The following PDE4D variants were observed in gnomAD, a reference collection of about 807,000 sequenced individuals.
PDE4D encodes the protein phosphodiesterase 4D, also known as 3',5'-cyclic-AMP phosphodiesterase 4D.
In PDE4D, 24 loss-of-function variants were observed where a neutral mutation model predicts 87.4. That is an observed-to-expected ratio of 0.27 (90% CI 0.20 to 0.39). PDE4D has a LOEUF of 0.39. Ranked by LOEUF, PDE4D falls within the 10% of genes least tolerant of loss-of-function variation. The pLI is 1.00. For synonymous variants in PDE4D, 384 were observed against 383.2 expected (o/e 1.00, Z -0.02); for missense variants, 714 against 1,041.0 (o/e 0.69, Z 4.32).
At chr5:59,874,983 C>T (rs1748341732) in intron 1 of PDE4D, among the ~76,000 whole-genome samples, 1 of 152,160 alleles carries the variant, frequency 6.6e-6, no homozygotes, top group Non-Finnish European at 1.5e-5. Flanking sequence ...AGATATCCTC[C>T]TTTTCCAGGC....
intron 1 of PDE4D, among the ~76,000 whole-genome samples, chr5:59,327,956 A>G (rs1463401643): frequency 6.6e-6 from 1 of 152,192 alleles, no homozygotes; most frequent in African/African-American, 2.4e-5. Flanking sequence ...GAAAAATTAC[A>G]TTTACAAGAT....
At chr5:59,250,542 C>G (rs1367914732) in intron 1 of PDE4D, among the ~76,000 whole-genome samples, 2 of 150,888 alleles carry the variant, frequency 1.3e-5, no homozygotes, top group African/African-American at 4.9e-5. Context: ...ATGTAAGGGT[C>G]ATTGTGCCTT....
At chr5:59,700,581 T>C (rs563897594) in intron 1 of PDE4D, among the ~76,000 whole-genome samples, 6 of 152,220 alleles carry the variant, frequency 3.9e-5, no homozygotes, top group Non-Finnish European at 5.9e-5. Context: ...TATAAATGTA[T>C]AGGCATATTT....
In PDE4D at chr5:59,542,811, A is replaced by G. The variant is rs548740725; in HGVS notation, c.456-326843T>C. Among the ~76,000 whole-genome samples, 19 of 152,260 alleles carry G rather than the reference A, an allele frequency of 1.2e-4. No individual in the cohort carries two copies. The East Asian group carries it at 3.7e-3, about 29-fold the overall frequency. On this transcript the variant is annotated intron_variant, in intron 1 of 14. Coordinates refer to ENST00000340635, the MANE Select transcript of PDE4D (RefSeq NM_001104631.2). ...ATTAGATTGAAATTTAGTATACAGT[A>G]TGTAAGAAAAAAGGCAGACTACAAT...
intron 1 of PDE4D, among the ~76,000 whole-genome samples, chr5:60,475,056 C>T (rs1748203745): frequency 1.3e-5 from 2 of 151,916 alleles, no homozygotes; most frequent in Non-Finnish European, 2.9e-5. Context: ...CTTTTTTTAA[C>T]TCCTTAGAAA....
Position 59,081,525 on chromosome 5 carries a change from A to AAAAAAAAAG in PDE4D, c.809-42555_809-42554insCTTTTTTTT, listed in dbSNP as rs1231400335. On this transcript the variant is annotated intron_variant, in intron 5 of 14. Coordinates refer to ENST00000340635, the MANE Select transcript of PDE4D (RefSeq NM_001104631.2). ...GACCAGGAAGTAATCAGGTAAAAAA[A>AAAAAAAAAG]AAAAAGAAAAAAAGTGGGTTTGTTA... 1.4e-4 allele frequency among the ~76,000 whole-genome samples: 21 copies of AAAAAAAAAG among 151,380 alleles called. 2 individuals carry two copies. Among genetic ancestry groups the AAAAAAAAAG allele is most frequent in the East Asian group, 3.9e-4 (2 of 5,168 alleles).
chr5:59,262,728 T>C (rs1762231287), intron 1 of PDE4D, among the ~76,000 whole-genome samples: 1 of 151,898 alleles, frequency 6.6e-6, no homozygotes, highest in South Asian at 2.1e-4. Flanking sequence ...AGTGGTGGTC[T>C]TAGTACTTAC....
chr5:59,037,826 T>C (rs1321147442), intron 6 of PDE4D, among the ~76,000 whole-genome samples: 4 of 135,314 alleles, frequency 3.0e-5, no homozygotes, highest in Non-Finnish European at 5.1e-5. Context: ...ATAAAAACCA[T>C]AGAAAGGTAG....
intron 3 of PDE4D, among the ~76,000 whole-genome samples, chr5:59,955,314 A>G (rs866625091): frequency 3.2e-4 from 49 of 152,208 alleles, no homozygotes; most frequent in Admixed American, 1.8e-3. Flanking sequence ...CCAAGTAGTG[A>G]TCATTTCAAC....
chr5:59,122,366 A>C (rs67726426), intron 5 of PDE4D, among the ~76,000 whole-genome samples: 21,064 of 152,154 alleles, frequency 0.14, 1,553 homozygotes, highest in African/African-American at 0.19. Context: ...GAACTCATGA[A>C]GGTAGACCGA....
chr5:58,974,942 G>A lies in PDE4D; in HGVS notation c.2152C>T (p.Pro718Ser). 1.2e-6 allele frequency: 2 copies of A among 1,613,488 alleles called. No individual in the cohort carries two copies. The highest frequency in any genetic ancestry group is 1.7e-6 in the Non-Finnish European group (2 of 1,179,556). ...YQSTIPQSPS[P>S]APDDPEEGRQ... ...CCCTCCTCTGGGTCATCAGGTGCAG[G>A]AGAGGGGCTCTGAGGGATTGTGCTC... is the stretch of plus-strand genomic sequence containing the variant. Residue 718 changes from proline to serine, a missense_variant, in exon 15 of 15, where the codon CCT becomes TCT. Around this residue, in one of 7 missense-constraint regions of PDE4D, gnomAD observed 97 missense variants for 176.9 expected, o/e 0.55. Coordinates refer to ENST00000340635, the MANE Select transcript of PDE4D (RefSeq NM_001104631.2).
chr5:59,849,031 G>A (rs1018334612), intron 1 of PDE4D, among the ~76,000 whole-genome samples: 1 of 151,982 alleles, frequency 6.6e-6, no homozygotes, highest in Non-Finnish European at 1.5e-5. Context: ...GCGCTGTGAG[G>A]AGGAAGTGTT....
intron 1 of PDE4D, among the ~76,000 whole-genome samples, chr5:59,616,889 C>G (rs1348284739): frequency 1.7e-5 from 2 of 114,424 alleles, no homozygotes; most frequent in Non-Finnish European, 3.5e-5. Context: ...AAGGGTTTAA[C>G]TTTGTGTATT....
chr5:60,108,230 G>A (rs1777249144), intron 2 of PDE4D, among the ~76,000 whole-genome samples: 2 of 151,578 alleles, frequency 1.3e-5, no homozygotes, highest in African/African-American at 4.9e-5. Flanking sequence ...CAAACAGAGA[G>A]CCAAATCATG....
intron 1 of PDE4D, among the ~76,000 whole-genome samples, chr5:59,356,392 A>C (rs576862280): frequency 6.6e-6 from 1 of 152,336 alleles, no homozygotes; most frequent in South Asian, 2.1e-4. Context: ...ACACTTATGA[A>C]GAATAATGTA....
rs181022477 is a variant in PDE4D, at chr5:59,903,057, T to C, written c.272+85431A>G. Among the ~76,000 whole-genome samples, 456 of 152,292 alleles carry C rather than the reference T, an allele frequency of 3.0e-3. 4 individuals are homozygous for C. The highest frequency in any genetic ancestry group is 4.9e-3 in the Non-Finnish European group (335 of 68,006). ...CAAATCCAAGGTAAACCTGTTCCAT[T>C]CTTTGGCTGCGAGTTGCCCAATCCT... On this transcript the variant is annotated intron_variant, in intron 3 of 16. Transcript: ENST00000502484.
chr5:59,947,050 G>C lies in PDE4D; in HGVS notation c.272+41438C>G, dbSNP rs142586252. 9.0e-3 allele frequency among the ~76,000 whole-genome samples: 1,368 copies of C among 152,276 alleles called. 25 individuals carry two copies. The highest frequency in any genetic ancestry group is 0.032 in the African/African-American group (1,326 of 41,556). ...TTTTGATTCTCAAACAAAATGTCAG[G>C]CTCCTAATAAGGCTTAGGAAATTCT... On this transcript the variant is annotated intron_variant, in intron 3 of 16. Transcript: ENST00000502484.
intron 2 of PDE4D, among the ~76,000 whole-genome samples, chr5:60,133,317 CTTAT>C (rs1296653774): frequency 7.9e-5 from 12 of 152,126 alleles, no homozygotes; most frequent in Admixed American, 2.0e-4. Context: ...TTGCCGTCAA[CTTAT>C]TTATTTATTT....
intron 1 of PDE4D, among the ~76,000 whole-genome samples, chr5:59,630,108 T>C (rs1831377465): frequency 6.6e-6 from 1 of 152,354 alleles, no homozygotes; most frequent in African/African-American, 2.4e-5. Flanking sequence ...CCGTATTTGA[T>C]TGTTGAATCT....
Sources: gnomAD v4.1 joint callset for allele counts (sites outside exome capture counted in the v4.1 genomes callset) on GRCh38, gnomAD v4.1.1 for gene constraint, gnomAD v4.1.1 regional missense constraint, MANE v1.5 for transcripts, NCBI Gene and HGNC (gene_info 2026-07-23, HGNC 2026-07-21) for gene names.